The following KGD4 variants were observed in gnomAD, a reference collection of about 807,000 sequenced individuals.
KGD4 encodes alpha-ketoglutarate dehydrogenase subunit 4, also known as alpha-ketoglutarate dehydrogenase component 4.
chr5:69,218,470 A>ATGTGTGTGTGTGTGTGTG, the KGD4 span, among the ~76,000 whole-genome samples: 794 of 148,616 alleles, frequency 5.3e-3, 8 homozygotes, highest in African/African-American at 0.016. Flanking sequence ...GTGTATATTA[A>ATGTGTGTGTGTGTGTGTG]TGTGTGTGTG....
the KGD4 span, among the ~76,000 whole-genome samples, chr5:69,221,070 A>C: frequency 6.6e-6 from 1 of 152,162 alleles, no homozygotes; most frequent in Non-Finnish European, 1.5e-5. Flanking sequence ...ACCTCTGCCT[A>C]GGAAAACCAG....
At chr5:69,223,839 C>A in the KGD4 span, among the ~76,000 whole-genome samples, 5 of 149,320 alleles carry the variant, frequency 3.3e-5, no homozygotes, top group African/African-American at 1.2e-4. Context: ...TCGAAACCAG[C>A]CTGGCCAACA....
chr5:69,222,084 G>A, the KGD4 span, among the ~76,000 whole-genome samples: 11 of 151,314 alleles, frequency 7.3e-5, 1 homozygote, highest in Admixed American at 3.3e-4. Flanking sequence ...GTTTATTCAC[G>A]TATTTGGCAA....
chr5:69,228,423 A>T, the KGD4 span: 1 of 1,546,240 alleles, frequency 6.5e-7, no homozygotes, highest in Non-Finnish European at 8.7e-7. Context: ...ACTACGCAAA[A>T]CACCATAACA....
At chr5:69,219,719 C>G in the KGD4 span, among the ~76,000 whole-genome samples, 2 of 152,048 alleles carry the variant, frequency 1.3e-5, no homozygotes, top group African/African-American at 2.4e-5. Flanking sequence ...GAGAATACAA[C>G]CAATATGCTA....
the KGD4 span, among the ~76,000 whole-genome samples, chr5:69,223,713 G>A: frequency 3.9e-5 from 6 of 152,066 alleles, no homozygotes; most frequent in South Asian, 2.1e-4. Context: ...GGAATTTTAC[G>A]GACAAAAATG....
At chr5:69,217,926 T>C in the KGD4 span, 1 of 1,613,324 alleles carries the variant, frequency 6.2e-7, no homozygotes, top group East Asian at 2.2e-5. Flanking sequence ...GTGCTGACTA[T>C]GGCGACGGCG....
chr5:69,228,097 C>A, the KGD4 span: 1 of 898,550 alleles, frequency 1.1e-6, no homozygotes, highest in Non-Finnish European at 1.6e-6. Flanking sequence ...TGAAGAATGA[C>A]TTCATTTCAA....
chr5:69,222,706 CTT>C, the KGD4 span, among the ~76,000 whole-genome samples: 1 of 151,904 alleles, frequency 6.6e-6, no homozygotes, highest in Non-Finnish European at 1.5e-5. Context: ...AGTTTTCAAA[CTT>C]CTAAATAGGG....
chr5:69,218,656 C>T, the KGD4 span, among the ~76,000 whole-genome samples: 1 of 152,184 alleles, frequency 6.6e-6, no homozygotes, highest in Non-Finnish European at 1.5e-5. Context: ...ATAAGTGGAA[C>T]ACAACCTCCA....
the KGD4 span, among the ~76,000 whole-genome samples, chr5:69,225,149 G>C: frequency 6.6e-6 from 1 of 151,100 alleles, no homozygotes; most frequent in African/African-American, 2.4e-5. Context: ...CTGTTGCCCA[G>C]GCTGGAGTGC....
chr5:69,223,074 C>CTTTTTTTTTTTTTT, the KGD4 span, among the ~76,000 whole-genome samples: 3 of 59,128 alleles, frequency 5.1e-5, 1 homozygote, highest in African/African-American at 8.2e-5. Context: ...CGGTGCGCAG[C>CTTTTTTTTTTTTTT]TTTTTTTTTT....
chr5:69,223,074 C>CTTTTTTTTTTT, the KGD4 span, among the ~76,000 whole-genome samples: 20 of 59,130 alleles, frequency 3.4e-4, 2 homozygotes, highest in East Asian at 1.0e-3. Context: ...CGGTGCGCAG[C>CTTTTTTTTTTT]TTTTTTTTTT....
chr5:69,221,761 G>A, the KGD4 span, among the ~76,000 whole-genome samples: 2 of 151,930 alleles, frequency 1.3e-5, no homozygotes, highest in African/African-American at 4.8e-5. Flanking sequence ...TAATTGATAA[G>A]CTGGACTTCA....
the KGD4 span, among the ~76,000 whole-genome samples, chr5:69,227,978 T>C: frequency 6.6e-6 from 1 of 152,166 alleles, no homozygotes; most frequent in Non-Finnish European, 1.5e-5. Context: ...ATAAAAATTT[T>C]AAAGCTACCT....
At chr5:69,221,485 T>C in the KGD4 span, among the ~76,000 whole-genome samples, 1 of 152,174 alleles carries the variant, frequency 6.6e-6, no homozygotes, top group African/African-American at 2.4e-5. Flanking sequence ...AATAAAGAGA[T>C]AGTCAACTGA....
the KGD4 span, chr5:69,228,452 C>A: frequency 6.9e-7 from 1 of 1,457,978 alleles, no homozygotes; most frequent in Non-Finnish European, 9.3e-7. Context: ...TTGGGGATTT[C>A]ATTTGCTGAT....
the KGD4 span, chr5:69,218,146 C>T: frequency 3.8e-6 from 2 of 522,248 alleles, no homozygotes; most frequent in South Asian, 4.9e-5. Flanking sequence ...ATCCCCCGCT[C>T]CTCCGCCAGG....
chr5:69,224,713 C>T, the KGD4 span, among the ~76,000 whole-genome samples: 1 of 151,972 alleles, frequency 6.6e-6, no homozygotes, highest in East Asian at 1.9e-4. Flanking sequence ...GCGGTAAGGC[C>T]ACATCATGCC....
Sources: allele counts gnomAD v4.1 joint callset (sites outside exome capture counted in the v4.1 genomes callset), GRCh38; gene constraint gnomAD v4.1.1; transcripts MANE v1.5; gene names NCBI Gene and HGNC (gene_info 2026-07-23, HGNC 2026-07-21).